The following EEA1 variants were observed in gnomAD, a reference collection of about 807,000 sequenced individuals.
EEA1 encodes early endosome antigen 1, 162kD.
In EEA1, 111 loss-of-function variants were observed where a neutral mutation model predicts 209.2. The ratio of observed to expected loss-of-function variants is 0.53; its 90% CI spans 0.45 to 0.62. The LOEUF (loss-of-function observed/expected upper bound fraction) is 0.62, where lower values mean the gene tolerates loss of function less well. Among genes scored for constraint, EEA1 ranks in the 20% least tolerant of loss-of-function variants. EEA1 has a pLI of 0.00. For missense variants in EEA1, 1,343 were observed against 1,530.8 expected (o/e 0.88, Z 2.05); for synonymous variants, 536 against 540.6 (o/e 0.99, Z 0.12).
At chr12:92,856,744 A>G (rs971027739) in intron 5 of EEA1, among the ~76,000 whole-genome samples, 1 of 151,516 alleles carries the variant, frequency 6.6e-6, no homozygotes, top group Admixed American at 6.6e-5. Context: ...GTATAAAAAA[A>G]AACAACATAT....
chr12:92,857,442 C>A lies in EEA1; in HGVS notation c.289G>T (p.Ala97Ser), dbSNP rs750025978. 1.3e-5 allele frequency: 20 copies of A among 1,597,886 alleles called. No homozygotes were observed. Among genetic ancestry groups the A allele is most frequent in the Middle Eastern group, 2.0e-4 (1 of 5,106 alleles). Reference sequence around the variant, plus strand: ...ATTTTTATTCTTACCTTAAGTGAAGCCTGTAGGTCTTGGACCTCTTGTCTG... The same window carrying A: ...ATTTTTATTCTTACCTTAAGTGAAGACTGTAGGTCTTGGACCTCTTGTCTG... ...LLRQEVQDLQ[A>S]SLKEEKWYSE... Residue 97 changes from alanine (A) to serine (S), a missense_variant, in exon 4 of 29, where the codon GCT (alanine) becomes TCT (serine). Ala to Ser is a moderately conservative substitution (Grantham distance 99, BLOSUM62 1). Transcript: ENST00000322349.
chr12:92,857,195 G>A (rs2136714818), intron 5 of EEA1, 80 bp downstream of exon 5: 1 of 1,118,548 alleles, frequency 8.9e-7, no homozygotes, highest in Non-Finnish European at 1.3e-6. Flanking sequence ...CCACCTGCTT[G>A]CAAAAAGGTA....
At chr12:92,812,055 G>A (rs769903588) in intron 16 of EEA1, among the ~76,000 whole-genome samples, 4 of 152,086 alleles carry the variant, frequency 2.6e-5, no homozygotes, top group Non-Finnish European at 5.9e-5. Context: ...ATAAAGCCAG[G>A]TGCGGTGGCT....
rs572599518 is a variant in EEA1, at chr12:92,826,895, A to G, written c.1405-610T>C. On this transcript the variant is annotated intron_variant, in intron 12 of 28. Coordinates refer to ENST00000322349, the MANE Select transcript of EEA1 (RefSeq NM_003566.4). ...TGATCAAGGAATTAATTACATATAA[A>G]TTATTTTTAACAATAATTTAAACCA... Among the ~76,000 whole-genome samples, 7 of 152,252 alleles carry G rather than the reference A, an allele frequency of 4.6e-5. No individual in the cohort carries two copies. The South Asian group carries it at 1.4e-3, about 32-fold the overall frequency.
At chr12:92,880,896 C>T (rs1879110369) in intron 2 of EEA1, among the ~76,000 whole-genome samples, 1 of 152,174 alleles carries the variant, frequency 6.6e-6, no homozygotes, top group African/African-American at 2.4e-5. Context: ...TGTAAGAAGA[C>T]TCTGAAAGAT....
intron 11 of EEA1, among the ~76,000 whole-genome samples, chr12:92,832,088 C>T (rs1029397384): frequency 4.3e-5 from 6 of 140,256 alleles, no homozygotes; most frequent in Non-Finnish European, 6.1e-5. Flanking sequence ...AGCAAGACTC[C>T]GTCTCAAAAA....
chr12:92,777,351 T>C (rs1038067401), intron 27 of EEA1, among the ~76,000 whole-genome samples, 192 bp downstream of exon 27: 1 of 151,982 alleles, frequency 6.6e-6, no homozygotes, highest in African/African-American at 2.4e-5. Context: ...TTCTAATGAA[T>C]CTCTGAGGTC....
chr12:92,815,766 C>CA (rs1414771293), intron 15 of EEA1, among the ~76,000 whole-genome samples: 2 of 151,084 alleles, frequency 1.3e-5, no homozygotes, highest in African/African-American at 4.9e-5. Flanking sequence ...AAATCAAAGT[C>CA]AAAAAAATAT....
At chr12:92,908,219 A>G (rs901587898) in intron 1 of EEA1, among the ~76,000 whole-genome samples, 2 of 152,362 alleles carry the variant, frequency 1.3e-5, no homozygotes, top group African/African-American at 2.4e-5. Context: ...GAAATAAACC[A>G]GACACAAAAG....
At chr12:92,888,270 A>G (rs1212373260) in intron 2 of EEA1, among the ~76,000 whole-genome samples, 1 of 152,214 alleles carries the variant, frequency 6.6e-6, no homozygotes, top group Non-Finnish European at 1.5e-5. Context: ...AAAAAATCCT[A>G]AATGATGTTC....
At chr12:92,907,358 T>A (rs572074924) in intron 1 of EEA1, among the ~76,000 whole-genome samples, 17 of 152,322 alleles carry the variant, frequency 1.1e-4, no homozygotes, top group African/African-American at 3.8e-4. Flanking sequence ...ACCAAATTCA[T>A]TTATCTTTGC....
At chr12:92,808,908 T>A in intron 18 of EEA1, 109 bp downstream of exon 18, 1 of 845,178 alleles carries the variant, frequency 1.2e-6, no homozygotes, top group Non-Finnish European at 1.7e-6. Context: ...AAAATAAATA[T>A]CTAATAAGTC....
chr12:92,857,289 CTT>C lies in EEA1; in HGVS notation c.350_351del (p.Gln117ArgfsTer10). ...EELKKELEKY[Q>X]GLQQQEAKPD... Reference sequence around the variant, plus strand: ...AAAGCAATTACTTGCTGCTGCAGCCCTTGATATTTTTCTAATTCCTTCTTTAA... The same window carrying C: ...AAAGCAATTACTTGCTGCTGCAGCCCGATATTTTTCTAATTCCTTCTTTAA... On this transcript the variant is annotated frameshift_variant, in exon 5 of 29. Transcript: ENST00000322349. LOFTEE classifies it high-confidence loss of function. 3 of 1,587,408 alleles carry C rather than the reference CTT, an allele frequency of 1.9e-6. No homozygotes were observed. Among genetic ancestry groups the C allele is most frequent in the Non-Finnish European group, 2.6e-6 (3 of 1,170,176 alleles).
intron 11 of EEA1, among the ~76,000 whole-genome samples, chr12:92,831,659 C>CAT (rs996557506): frequency 4.8e-5 from 7 of 146,034 alleles, no homozygotes; most frequent in Middle Eastern, 3.4e-3. Flanking sequence ...ATATATAGTT[C>CAT]ATATATATAT....
chr12:92,809,670 G>A (rs1875398436), intron 17 of EEA1, among the ~76,000 whole-genome samples: 1 of 151,348 alleles, frequency 6.6e-6, no homozygotes, highest in Non-Finnish European at 1.5e-5. Flanking sequence ...ACTCCAGCCT[G>A]GGCAACAGAA....
rs1252126645 is a variant in EEA1, at chr12:92,771,695, A to T, written c.*4316T>A. On this transcript the variant is annotated 3_prime_UTR_variant, in exon 29 of 29. Transcript: ENST00000322349. ...ATAAAGAAATTTCTGGTTAAAAAAA[A>T]TTTTTACATTAACAATCATCTTGCA... The T allele has an allele frequency of 2.0e-5, 3 of 151,976 alleles. No individual in the cohort carries two copies. Among genetic ancestry groups the T allele is most frequent in the African/African-American group, 4.8e-5 (2 of 41,404 alleles). The allele number at this position is 151,976 out of a possible 1,614,324, so 9.4% of individuals were successfully genotyped here.
Position 92,884,426 on chromosome 12 carries a change from G to A in EEA1, c.117+7203C>T, listed in dbSNP as rs1265791664. The A allele has an allele frequency of 3.6e-6, 5 of 1,397,604 alleles. No individual in the cohort carries two copies. In the Admixed American group the frequency reaches 6.7e-5, roughly 19 times the overall value. The allele number at this position is 1,397,604 out of a possible 1,614,324, so 86.6% of individuals were successfully genotyped here. On this transcript the variant is annotated intron_variant, in intron 2 of 28. Transcript: ENST00000322349. ...CAGGAATGACAACACTGGTAGTGGA[G>A]GAAACTTCAGTGGTGGTGGTGGATA...
At chr12:92,825,841 C>T (rs1876270693) in intron 13 of EEA1, among the ~76,000 whole-genome samples, 1 of 149,420 alleles carries the variant, frequency 6.7e-6, no homozygotes, top group African/African-American at 2.4e-5. Flanking sequence ...ATGTATTTAA[C>T]TAAACTGATT....
intron 21 of EEA1, 24 bp from the exon 22 acceptor site, chr12:92,788,073 A>C: frequency 6.7e-7 from 1 of 1,503,434 alleles, no homozygotes. Flanking sequence ...TAGTTATTTA[A>C]AACAGTATGC....
Sources: gnomAD v4.1 joint callset for allele counts (sites outside exome capture counted in the v4.1 genomes callset) on GRCh38, gnomAD v4.1.1 for gene constraint, MANE v1.5 for transcripts, NCBI Gene and HGNC (gene_info 2026-07-23, HGNC 2026-07-21) for gene names.